RARB: variants seen among roughly 807,000 people sequenced by gnomAD.
RARB encodes the protein retinoic acid receptor beta.
A neutral mutation model predicts 51.9 loss-of-function variants in RARB; 17 were observed. The ratio of observed to expected loss-of-function variants is 0.33; its 90% CI spans 0.22 to 0.49. The LOEUF is 0.49. Ranked by LOEUF, RARB falls within the 20% of genes least tolerant of loss-of-function variation. RARB has a pLI of 0.99. For missense variants in RARB, 369 were observed against 550.8 expected, an observed-to-expected ratio of 0.67 and a Z score of 3.30; for synonymous variants, 215 against 195.4, an observed-to-expected ratio of 1.10 and a Z score of -0.84.
At chr3:25,012,752 G>C (rs1268548367) in intron 2 of RARB, among the ~76,000 whole-genome samples, 1 of 152,050 alleles carries the variant, frequency 6.6e-6, no homozygotes, top group African/African-American at 2.4e-5. Context: ...TGCAAATAAA[G>C]TGAGAGATAT....
At chr3:25,201,157 G>A (rs897976586) in intron 5 of RARB, among the ~76,000 whole-genome samples, 5 of 152,122 alleles carry the variant, frequency 3.3e-5, no homozygotes, top group African/African-American at 9.7e-5. Flanking sequence ...TCCCTTGTAA[G>A]TTGTGTTCCT....
intron 1 of RARB, among the ~76,000 whole-genome samples, chr3:24,834,151 A>C (rs769454706): frequency 6.6e-6 from 1 of 152,230 alleles, no homozygotes; most frequent in Non-Finnish European, 1.5e-5. Flanking sequence ...CCAAGGTAGA[A>C]GTCCTTTGTG....
intron 2 of RARB, among the ~76,000 whole-genome samples, chr3:25,464,217 G>A (rs1034840599): frequency 6.6e-6 from 1 of 152,136 alleles, no homozygotes; most frequent in Admixed American, 6.5e-5. Context: ...TATCCAACGT[G>A]TCTCTGTGGC....
chr3:25,500,459 T>TTTTTTTTTTTTTG (rs1697251893), intron 2 of RARB, among the ~76,000 whole-genome samples: 1 of 65,842 alleles, frequency 1.5e-5, no homozygotes, highest in African/African-American at 8.7e-5. Flanking sequence ...TTCTTGTTTT[T>TTTTTTTTTTTTTG]TTTTTTTTTT....
chr3:25,424,679 T>TGG (rs57090166), upstream of RARB, among the ~76,000 whole-genome samples: 2,349 of 152,042 alleles, frequency 0.015, 63 homozygotes, highest in African/African-American at 0.054. Context: ...GCCCCTGTGG[T>TGG]GGGGGGGGAT....
chr3:25,505,544 AT>A (rs5847359), intron 3 of RARB, among the ~76,000 whole-genome samples: 7,967 of 146,348 alleles, frequency 0.054, 253 homozygotes, highest in Non-Finnish European at 0.079. Context: ...TTATTTCTTC[AT>A]TTTTTTTTTT....
intron 3 of RARB, among the ~76,000 whole-genome samples, chr3:25,550,306 G>A (rs539981901): frequency 6.6e-6 from 1 of 152,170 alleles, no homozygotes; most frequent in African/African-American, 2.4e-5. Context: ...AGTCTGTTTG[G>A]GCTGCTGTAA....
At chr3:24,945,801 C>G (rs141630561) in intron 2 of RARB, among the ~76,000 whole-genome samples, 8 of 152,328 alleles carry the variant, frequency 5.3e-5, no homozygotes, top group African/African-American at 1.7e-4. Flanking sequence ...TTACTTCTCT[C>G]TAAAGTCAGT....
intron 4 of RARB, among the ~76,000 whole-genome samples, chr3:25,135,082 G>A (rs1490798888): frequency 6.7e-6 from 1 of 149,584 alleles, no homozygotes; most frequent in Non-Finnish European, 1.5e-5. Flanking sequence ...GAGTTTAATA[G>A]GCCTAGGACC....
intron 3 of RARB, among the ~76,000 whole-genome samples, chr3:25,068,978 A>G (rs985401127): frequency 2.0e-5 from 3 of 151,492 alleles, no homozygotes; most frequent in African/African-American, 7.3e-5. Context: ...ATTACCCTAA[A>G]CCCAGTTCAG....
intron 5 of RARB, among the ~76,000 whole-genome samples, chr3:25,275,941 T>A (rs954616438): frequency 2.0e-5 from 3 of 152,168 alleles, no homozygotes; most frequent in Non-Finnish European, 2.9e-5. Flanking sequence ...AATAAAAGAT[T>A]TGTTCAGTTG....
At chr3:25,325,081 T>C (rs1056166647) in intron 5 of RARB, among the ~76,000 whole-genome samples, 4 of 152,214 alleles carry the variant, frequency 2.6e-5, no homozygotes, top group Admixed American at 6.5e-5. Context: ...TACTTAGTTA[T>C]TGCTTGATTA....
At chr3:25,149,445 TG>T (rs1700246969) in intron 4 of RARB, among the ~76,000 whole-genome samples, 1 of 152,240 alleles carries the variant, frequency 6.6e-6, no homozygotes, top group Non-Finnish European at 1.5e-5. Flanking sequence ...AAAATGTGAT[TG>T]TGGGTGAGTG....
At chr3:25,507,785 G>A (rs144197234) in intron 3 of RARB, among the ~76,000 whole-genome samples, 1 of 152,282 alleles carries the variant, frequency 6.6e-6, no homozygotes, top group East Asian at 1.9e-4. Context: ...CAAGAAGTAG[G>A]CCAGAATTAT....
At chr3:25,350,947 G>A (rs1705549237) in intron 5 of RARB, among the ~76,000 whole-genome samples, 1 of 152,164 alleles carries the variant, frequency 6.6e-6, no homozygotes, top group Non-Finnish European at 1.5e-5. Context: ...TGGGGTTAGA[G>A]GCTTTTTCTG....
intron 4 of RARB, among the ~76,000 whole-genome samples, chr3:25,135,500 T>C (rs1363655586): frequency 1.3e-5 from 2 of 151,966 alleles, no homozygotes. Flanking sequence ...TAGACCACGA[T>C]TATGCTACAA....
intron 5 of RARB, among the ~76,000 whole-genome samples, chr3:25,329,385 C>T (rs1373366739): frequency 1.3e-5 from 2 of 152,152 alleles, no homozygotes; most frequent in Non-Finnish European, 2.9e-5. Context: ...TGGTGATACC[C>T]AGGCAAAAAG....
At chr3:25,318,616 A>G (rs1259546839) in intron 5 of RARB, among the ~76,000 whole-genome samples, 7 of 152,200 alleles carry the variant, frequency 4.6e-5, no homozygotes, top group Non-Finnish European at 1.0e-4. Context: ...GTAATCCATT[A>G]TCTAGAACAA....
At chr3:25,235,202 A>G (rs1702275056) in intron 5 of RARB, among the ~76,000 whole-genome samples, 2 of 152,072 alleles carry the variant, frequency 1.3e-5, no homozygotes, top group African/African-American at 4.8e-5. Flanking sequence ...GCAGTTGTTT[A>G]CTTTTCAGAA....
Sources: gnomAD v4.1 joint callset for allele counts (sites outside exome capture counted in the v4.1 genomes callset) on GRCh38, gnomAD v4.1.1 for gene constraint, MANE v1.5 for transcripts, NCBI Gene and HGNC (gene_info 2026-07-23, HGNC 2026-07-21) for gene names.